ENDOV: variants seen among roughly 807,000 people sequenced by gnomAD.
ENDOV encodes hEndoV.
In ENDOV, 37 loss-of-function variants were observed where a neutral mutation model predicts 39.4. The ratio of observed to expected loss-of-function variants is 0.94; its 90% CI spans 0.72 to 1.23. The LOEUF is 1.23. Among genes scored for constraint, ENDOV ranks in the 50% most tolerant of loss-of-function variants. The probability of loss-of-function intolerance (pLI) is 0.00; values close to 1 mark genes in which losing one functional copy is unlikely to be tolerated. For synonymous variants in ENDOV, 186 were observed against 163.4 expected (o/e 1.14, Z -1.05); for missense variants, 441 against 375.7 (o/e 1.17, Z -1.44).
At chr17:80,430,017 A>G in intron 9 of ENDOV, 186 bp downstream of exon 9, 7 of 1,536,518 alleles carry the variant, frequency 4.6e-6, no homozygotes, top group Non-Finnish European at 6.1e-6. Context: ...CTAGGGACTT[A>G]GGGGAACCTC....
chr17:80,416,473 G>A lies in ENDOV; in HGVS notation c.228+652G>A, dbSNP rs1292689945. 7.9e-5 allele frequency among the ~76,000 whole-genome samples: 12 copies of A among 152,078 alleles called. No individual in the cohort carries two copies. The South Asian group carries it at 1.5e-3, about 18-fold the overall frequency. On this transcript the variant is annotated intron_variant, in intron 2 of 9. Coordinates refer to ENST00000518137, the MANE Select transcript of ENDOV (RefSeq NM_173627.5). ...CTCGCGTCCAGTTGCACACTAGCTC[G>A]CTTTTATTCTGCCTCTTAAATGTCG...
At chr17:80,431,424 G>A (rs796496676) in intron 9 of ENDOV, among the ~76,000 whole-genome samples, 1 of 152,182 alleles carries the variant, frequency 6.6e-6, no homozygotes, top group Non-Finnish European at 1.5e-5. Flanking sequence ...TCTATAAGAA[G>A]TAGACTCACT....
chr17:80,420,469 C>T (rs1240154173), intron 2 of ENDOV: 2 of 152,240 alleles, frequency 1.3e-5, no homozygotes, highest in Non-Finnish European at 2.9e-5. Context: ...CCCATTGAGT[C>T]ATTGATGAAG....
At position 80,422,386 on chromosome 17, in the gene ENDOV, C is replaced by T. The variant is rs1428838857; in HGVS notation, c.403+141C>T. The T allele has an allele frequency of 6.9e-6, 7 of 1,012,342 alleles. 1 individual carries two copies. In the South Asian group the frequency reaches 7.0e-5, roughly 10 times the overall value. 62.7% of individuals were successfully genotyped at this position (1,012,342 alleles called of 1,614,324 possible). On this transcript the variant is annotated intron_variant, in intron 4 of 9. Transcript: ENST00000518137. ...TCCAATGGCTTCTTTCTCGGCGCAA[C>T]GGGGACGCGCAGTGCGCTCAGCCCC...
At chr17:80,432,443 C>T (rs1246942096) in intron 9 of ENDOV, among the ~76,000 whole-genome samples, 1 of 152,038 alleles carries the variant, frequency 6.6e-6, no homozygotes, top group Admixed American at 6.5e-5. Context: ...AGAGGTGTTC[C>T]CCTGAAACCT....
At chr17:80,418,901 G>A (rs1318538467) in intron 2 of ENDOV, 1 of 152,250 alleles carries the variant, frequency 6.6e-6, no homozygotes, top group African/African-American at 2.4e-5. Flanking sequence ...GCCGGGCGCA[G>A]TGGTTCATGC....
At chr17:80,423,751 TG>T (rs1172242490) in intron 5 of ENDOV, 119 bp downstream of exon 5, 1 of 938,104 alleles carries the variant, frequency 1.1e-6, no homozygotes, top group African/African-American at 1.7e-5. Flanking sequence ...TCCTCATCCC[TG>T]GCTTGTGGCC....
intron 8 of ENDOV, among the ~76,000 whole-genome samples, chr17:80,429,071 G>A (rs2083087935): frequency 6.6e-6 from 1 of 152,200 alleles, no homozygotes. Flanking sequence ...CACTCTTCGA[G>A]CCTCAGCTTC....
intron 4 of ENDOV, 119 bp downstream of exon 4, chr17:80,422,364 A>G: frequency 8.0e-7 from 1 of 1,247,520 alleles, no homozygotes; most frequent in South Asian, 1.3e-5. Flanking sequence ...AGCCCCCTCC[A>G]ATGGCTTCTT....
intron 1 of ENDOV, 115 bp from the exon 2 acceptor site, chr17:80,415,535 C>A: frequency 7.4e-7 from 1 of 1,345,900 alleles, no homozygotes; most frequent in South Asian, 1.4e-5. Flanking sequence ...CCCTTGCTTT[C>A]CCTTGAAGCG....
intron 2 of ENDOV, among the ~76,000 whole-genome samples, chr17:80,418,996 C>T (rs1339300247): frequency 6.6e-6 from 1 of 151,836 alleles, no homozygotes; most frequent in Non-Finnish European, 1.5e-5. Context: ...ACGGTGAAAC[C>T]CTGTGTCTAC....
intron 4 of ENDOV, among the ~76,000 whole-genome samples, chr17:80,423,037 C>G (rs527664617): frequency 2.0e-5 from 3 of 152,208 alleles, no homozygotes; most frequent in Admixed American, 2.0e-4. Context: ...TACAGAGCTG[C>G]GGGCGGCGCA....
Position 80,427,782 on chromosome 17 carries a change from C to T in ENDOV, c.715-814C>T, listed in dbSNP as rs996448329. The T allele has an allele frequency of 3.5e-5, 45 of 1,289,102 alleles. No homozygotes were observed. The African/African-American group carries it at 5.0e-4, about 14-fold the overall frequency. 79.9% of individuals were successfully genotyped at this position (1,289,102 alleles called of 1,614,324 possible). A position where few individuals can be genotyped will look rare whatever the true frequency, so the allele number is the denominator to read the frequency against. On this transcript the variant is annotated intron_variant, in intron 7 of 9. Coordinates refer to ENST00000518137, the MANE Select transcript of ENDOV (RefSeq NM_173627.5). ...GTCTTGGTGGCCCCATGGTCACAGG[C>T]GCTGCGGCGCTCCTGGTTGCCAGGT...
At chr17:80,430,741 G>T (rs2083284314) in intron 9 of ENDOV, among the ~76,000 whole-genome samples, 1 of 152,184 alleles carries the variant, frequency 6.6e-6, no homozygotes. Flanking sequence ...GCCCGGCGGG[G>T]GCTAGGATCG....
At chr17:80,415,881 T>A (rs561760846) in intron 2 of ENDOV, 60 bp downstream of exon 2, 2 of 1,538,214 alleles carry the variant, frequency 1.3e-6, no homozygotes, top group Admixed American at 4.2e-5. Flanking sequence ...GCGTGCGGTC[T>A]CCGGGACAGG....
rs939694922 is a variant in ENDOV at position 80,420,928 on chromosome 17, G to A, written c.229-900G>A. On this transcript the variant is annotated intron_variant, in intron 2 of 9. Transcript: ENST00000518137. ...CCAACCTCAGGTGATCGTCCGCCTC[G>A]GCCTCCCAAAGTGCTGGGATTACAG... Among the ~76,000 whole-genome samples, 7 of 152,044 alleles carry A rather than the reference G, an allele frequency of 4.6e-5. No individual in the cohort carries two copies. The South Asian group carries it at 8.3e-4, about 18-fold the overall frequency.
In ENDOV at chr17:80,425,612, G is replaced by A. The variant is rs200727944; in HGVS notation, c.706G>A (p.Val236Met). Residue 236 changes from valine (V) to methionine (M), a missense_variant, in exon 7 of 10, where the codon GTG becomes ATG. Transcript: ENST00000518137. ...CCCRFRIPEPVRQADICSREH... is the reference protein window; with the variant it reads ...CCCRFRIPEPMRQADICSREH... ...CTGCAGGTTCCGGATCCCAGAGCCC[G>A]TGCGCCAGGTGGGTGTGCTGGGGAT... 104 of 1,582,318 alleles carry A rather than the reference G, an allele frequency of 6.6e-5. No individual in the cohort carries two copies. The highest frequency in any genetic ancestry group is 8.1e-5 in the Non-Finnish European group (95 of 1,170,634).
chr17:80,436,518 C>A lies in ENDOV; in HGVS notation c.*375C>A. The A allele has an allele frequency of 2.2e-6, 1 of 460,088 alleles. No homozygotes were observed. The highest frequency in any genetic ancestry group is 3.5e-6 in the Non-Finnish European group (1 of 282,274). The allele number at this position is 460,088 out of a possible 1,614,324, so 28.5% of individuals were successfully genotyped here. On this transcript the variant is annotated 3_prime_UTR_variant, in exon 10 of 10. Coordinates refer to ENST00000518137, the MANE Select transcript of ENDOV (RefSeq NM_173627.5). Reference sequence around the variant, plus strand: ...ATTTTGTCAAATGCTTTTCTGGCCTCTATTGAAAAGATCCTGTGTTCTTCT... The same window carrying A: ...ATTTTGTCAAATGCTTTTCTGGCCTATATTGAAAAGATCCTGTGTTCTTCT...
At chr17:80,429,025 CATG>C (rs2083080867) in intron 8 of ENDOV, among the ~76,000 whole-genome samples, 1 of 152,204 alleles carries the variant, frequency 6.6e-6, no homozygotes, top group African/African-American at 2.4e-5. Flanking sequence ...CGGAGTCAGA[CATG>C]ATCCAGCCCT....
Sources: allele counts gnomAD v4.1 joint callset (sites outside exome capture counted in the v4.1 genomes callset), GRCh38; gene constraint gnomAD v4.1.1; transcripts MANE v1.5; gene names NCBI Gene and HGNC (gene_info 2026-07-23, HGNC 2026-07-21).